The following SMS variants were observed in gnomAD, a reference collection of about 807,000 sequenced individuals.
The protein encoded by SMS is spermine synthase, also known as spermidine aminopropyltransferase.
Under a neutral mutation model 33.0 loss-of-function variants are expected in SMS, and 3 were observed. That is an observed-to-expected ratio of 0.09 (90% CI 0.04 to 0.23). SMS has a LOEUF of 0.23. Among genes scored for constraint, SMS ranks in the 10% least tolerant of loss-of-function variants. SMS has a pLI of 1.00. For missense variants in SMS, 117 were observed against 288.6 expected (o/e 0.41, Z 4.31); for synonymous variants, 103 against 112.2 (o/e 0.92, Z 0.52).
chrX:21,991,759 C>G (rs1047809953), intron 9 of SMS, among the ~76,000 whole-genome samples: 1 of 112,265 alleles, frequency 8.9e-6, no homozygotes, highest in African/African-American at 3.2e-5. Flanking sequence ...ATCCATTCAG[C>G]AGCTCTGCTA....
At chrX:21,941,268 G>C in intron 1 of SMS, 1 of 165,258 alleles carries the variant, frequency 6.1e-6, no homozygotes. Context: ...GGGTTGCAGG[G>C]ACTGCGGCGG....
At chrX:21,965,775 T>A (rs1923674405) in intron 1 of SMS, among the ~76,000 whole-genome samples, 1 of 106,901 alleles carries the variant, frequency 9.4e-6, no homozygotes, top group Admixed American at 1.0e-4. Flanking sequence ...AATAAAATAA[T>A]AAATAAATAA....
chrX:21,941,749 G>C (rs1569338658), intron 1 of SMS, among the ~76,000 whole-genome samples: 1 of 107,715 alleles, frequency 9.3e-6, no homozygotes, highest in Non-Finnish European at 1.9e-5. Flanking sequence ...GCCGGGCGTG[G>C]TGGCACGCGC....
chrX:21,951,040 G>A (rs934980718), intron 1 of SMS, among the ~76,000 whole-genome samples: 2 of 112,039 alleles, frequency 1.8e-5, no homozygotes, highest in African/African-American at 6.5e-5. Context: ...CACAATAGTT[G>A]AACTAATTTA....
At chrX:21,962,875 G>A (rs920227413) in intron 1 of SMS, among the ~76,000 whole-genome samples, 2 of 109,972 alleles carry the variant, frequency 1.8e-5, no homozygotes, top group African/African-American at 3.3e-5. Context: ...GGCTGGTCTC[G>A]AACTCCTGGG....
chrX:21,943,165 A>G (rs763285573), intron 1 of SMS, among the ~76,000 whole-genome samples: 5 of 108,945 alleles, frequency 4.6e-5, no homozygotes, highest in Admixed American at 1.0e-4. Flanking sequence ...GTTTTCTTTT[A>G]TGCTTTAAGG....
At chrX:21,947,011 G>A (rs779141077) in intron 1 of SMS, among the ~76,000 whole-genome samples, 3 of 111,585 alleles carry the variant, frequency 2.7e-5, no homozygotes, top group African/African-American at 9.8e-5. Flanking sequence ...TTCCCTCCCT[G>A]ATTTCCTGAA....
At chrX:21,978,405 C>CGT (rs1924680014) in intron 6 of SMS, among the ~76,000 whole-genome samples, 2 of 111,220 alleles carry the variant, frequency 1.8e-5, no homozygotes, top group Non-Finnish European at 3.8e-5. Context: ...CGAAACCCTA[C>CGT]CTCTACTAAA....
At chrX:21,962,229 G>A (rs934210337) in intron 1 of SMS, among the ~76,000 whole-genome samples, 1 of 111,780 alleles carries the variant, frequency 8.9e-6, no homozygotes, top group East Asian at 2.8e-4. Flanking sequence ...TTCTTACCAC[G>A]TTGTTAACCT....
chrX:21,961,382 G>T (rs1157930347), intron 1 of SMS, among the ~76,000 whole-genome samples: 5 of 110,506 alleles, frequency 4.5e-5, no homozygotes, highest in Non-Finnish European at 7.6e-5. Flanking sequence ...TGTAACCATC[G>T]ATGAGAGTAG....
At chrX:21,945,463 C>T (rs1022144405) in intron 1 of SMS, among the ~76,000 whole-genome samples, 1 of 111,728 alleles carries the variant, frequency 9.0e-6, no homozygotes, top group African/African-American at 3.3e-5. Flanking sequence ...TTGGGAATTA[C>T]GGGCTTAGCG....
rs776987766 is a variant in SMS at position 21,994,343 on chromosome X, A to C, written c.1093A>C (p.Lys365Gln). ...WVFYTVWKKA[K>Q]P Reference sequence around the variant, plus strand: ...ATTTTACACTGTTTGGAAGAAAGCTAAACCCTGAAGATCAGTAGCCCCTAA... The same window carrying C: ...ATTTTACACTGTTTGGAAGAAAGCTCAACCCTGAAGATCAGTAGCCCCTAA... The change falls in exon 11 of 11, where the codon AAA (lysine) becomes CAA (glutamine). Residue 365 changes from lysine (K) to glutamine (Q), a missense_variant. By Grantham distance (53) the Lys-to-Gln change is moderately conservative. Coordinates refer to ENST00000404933, the MANE Select transcript of SMS (RefSeq NM_004595.5). The C allele has an allele frequency of 7.5e-6, 9 of 1,207,772 alleles. No homozygotes were observed. Among genetic ancestry groups the C allele is most frequent in the South Asian group, 1.8e-5 (1 of 56,794 alleles).
chrX:21,985,242 T>A lies in SMS; in HGVS notation c.945+19T>A. ...TACACAGGTAGGCTACTTAACAGTT[T>A]TTTCCCTCAAAACGCTCTAAGACTT... is the stretch of plus-strand genomic sequence containing the variant. On this transcript the variant is annotated intron_variant, in intron 9 of 10. Transcript: ENST00000404933. 9.7e-7 allele frequency: 1 copy of A among 1,027,635 alleles called. No homozygotes were observed. Among genetic ancestry groups the A allele is most frequent in the Non-Finnish European group, 1.4e-6 (1 of 728,508 alleles). The allele number at this position is 1,027,635 out of a possible 1,213,427, so 84.7% of individuals were successfully genotyped here. A position where few individuals can be genotyped will look rare whatever the true frequency, so the allele number is the denominator to read the frequency against.
At chrX:21,980,429 A>AAAAATATATATATATATAT in intron 7 of SMS, among the ~76,000 whole-genome samples, 2 of 63,047 alleles carry the variant, frequency 3.2e-5, no homozygotes, top group Non-Finnish European at 6.1e-5. Flanking sequence ...AAAAAAAAAA[A>AAAAATATATATATATATAT]ATATATATAT....
chrX:21,982,721 C>A (rs764800193), intron 7 of SMS, among the ~76,000 whole-genome samples: 7 of 112,322 alleles, frequency 6.2e-5, no homozygotes, highest in Non-Finnish European at 9.4e-5. Context: ...TGTTCAAGTT[C>A]CAAATGATGT....
At chrX:21,971,145 G>A (rs1011933132) in intron 2 of SMS, among the ~76,000 whole-genome samples, 4 of 108,600 alleles carry the variant, frequency 3.7e-5, no homozygotes, top group Admixed American at 2.0e-4. Context: ...GCAGTGAGCC[G>A]AGATCATGTC....
At chrX:21,965,808 T>G (rs891769895) in intron 1 of SMS, among the ~76,000 whole-genome samples, 3 of 109,902 alleles carry the variant, frequency 2.7e-5, no homozygotes, top group Admixed American at 1.9e-4. Context: ...AAATAAAAAT[T>G]AGTTGGGCAT....
intron 1 of SMS, among the ~76,000 whole-genome samples, chrX:21,947,646 C>A (rs1001073744): frequency 9.0e-6 from 1 of 111,332 alleles, no homozygotes; most frequent in Non-Finnish European, 1.9e-5. Flanking sequence ...CATTTGTCTC[C>A]GTTTGGGGAT....
chrX:21,954,160 T>C (rs1666052314), intron 1 of SMS, among the ~76,000 whole-genome samples: 1 of 112,135 alleles, frequency 8.9e-6, no homozygotes, highest in African/African-American at 3.2e-5. Context: ...ATAGGAAATA[T>C]TCCTCAGATT....
Sources: gnomAD v4.1 joint callset for allele counts (sites outside exome capture counted in the v4.1 genomes callset) on GRCh38, gnomAD v4.1.1 for gene constraint, MANE v1.5 for transcripts, NCBI Gene and HGNC (gene_info 2026-07-23, HGNC 2026-07-21) for gene names.